SLC1A2: variants seen among roughly 807,000 people sequenced by gnomAD.
SLC1A2 encodes excitatory amino acid transporter 2.
SLC1A2 carries 15 observed loss-of-function variants against 48.8 expected under a neutral mutation model. That is an observed-to-expected ratio of 0.31 (90% confidence interval 0.21 to 0.47). The LOEUF (loss-of-function observed/expected upper bound fraction) is 0.47, where lower values mean the gene tolerates loss of function less well. Among genes scored for constraint, SLC1A2 ranks in the 20% least tolerant of loss-of-function variants. The probability of loss-of-function intolerance (pLI) is 0.99; values close to 1 mark genes in which losing one functional copy is unlikely to be tolerated. For missense variants in SLC1A2, 502 were observed against 730.5 expected, an observed-to-expected ratio of 0.69 and a Z score of 3.61; for synonymous variants, 279 against 272.6, an observed-to-expected ratio of 1.02 and a Z score of -0.23.
intron 9 of SLC1A2, 73 bp downstream of exon 9, chr11:35,280,794 C>T: frequency 1.8e-6 from 2 of 1,081,502 alleles, no homozygotes; most frequent in Non-Finnish European, 2.6e-6. Flanking sequence ...ATCTTGGTTG[C>T]AACCTTGCCA....
chr11:35,340,681 C>A (rs916163628), intron 1 of SLC1A2, among the ~76,000 whole-genome samples: 7 of 152,168 alleles, frequency 4.6e-5, no homozygotes, highest in Non-Finnish European at 8.8e-5. Flanking sequence ...AAGAAGCAAT[C>A]AGTATTGGCC....
At chr11:35,369,444 C>T (rs1853981535) in intron 1 of SLC1A2, among the ~76,000 whole-genome samples, 1 of 152,188 alleles carries the variant, frequency 6.6e-6, no homozygotes, top group Non-Finnish European at 1.5e-5. Flanking sequence ...GGCTCTCTCC[C>T]ACTCCCCAGC....
chr11:35,312,697 C>A (rs1342274647), intron 3 of SLC1A2, among the ~76,000 whole-genome samples: 1 of 152,236 alleles, frequency 6.6e-6, no homozygotes, highest in Non-Finnish European at 1.5e-5. Context: ...TATGCACATC[C>A]TCCTGTCTAC....
chr11:35,397,055 C>T (rs542509150), intron 1 of SLC1A2, among the ~76,000 whole-genome samples: 61 of 148,798 alleles, frequency 4.1e-4, no homozygotes, highest in African/African-American at 1.5e-3. Context: ...AAGAACATTC[C>T]ATGCTCATGG....
chr11:35,303,601 G>A (rs1851417685), intron 5 of SLC1A2, among the ~76,000 whole-genome samples: 1 of 152,132 alleles, frequency 6.6e-6, no homozygotes, highest in African/African-American at 2.4e-5. Context: ...ATATTACTTG[G>A]TTAATTTCAT....
intron 1 of SLC1A2, among the ~76,000 whole-genome samples, chr11:35,369,769 G>A (rs775944552): frequency 5.3e-5 from 8 of 152,180 alleles, no homozygotes; most frequent in South Asian, 2.1e-4. Context: ...GATCATCATC[G>A]TCAGCCCAGA....
chr11:35,313,116 T>G (rs1172816142), intron 3 of SLC1A2, among the ~76,000 whole-genome samples: 1 of 152,256 alleles, frequency 6.6e-6, no homozygotes, highest in East Asian at 1.9e-4. Flanking sequence ...CTTTGTTTTA[T>G]GAAGCGATGC....
chr11:35,265,951 C>T (rs200576123), intron 9 of SLC1A2, among the ~76,000 whole-genome samples, 193 bp from the exon 10 acceptor site: 1 of 152,206 alleles, frequency 6.6e-6, no homozygotes, highest in East Asian at 1.9e-4. Flanking sequence ...GATGCTTATA[C>T]TTCTCTCATA....
At chr11:35,354,407 G>A (rs145915272) in intron 1 of SLC1A2, among the ~76,000 whole-genome samples, 1 of 152,178 alleles carries the variant, frequency 6.6e-6, no homozygotes, top group East Asian at 1.9e-4. Flanking sequence ...GCTGCAGTGG[G>A]CTACGATTAC....
chr11:35,317,421 C>T lies in SLC1A2; in HGVS notation c.113G>A (p.Cys38Tyr). The T allele has an allele frequency of 6.2e-7, 1 of 1,614,184 alleles. No homozygotes were observed. ...CAGCAGATTCTTCCCCAGCTTGTCA[C>T]ACAGGCGCAGGCCCAGGTGCCGGTG... ...PKHRHLGLRL[C>Y]DKLGKNLLLT... Residue 38 changes from cysteine to tyrosine, a missense_variant, in exon 2 of 11, where the codon TGT becomes TAT. Physicochemically the swap from Cys to Tyr is radical, Grantham distance 194 (BLOSUM62 -2). This residue lies in a region of SLC1A2 where 89 missense variants were observed against 119.7 expected (regional missense o/e 0.74). Transcript: ENST00000278379.
At chr11:35,411,053 T>C (rs552608556) in intron 1 of SLC1A2, among the ~76,000 whole-genome samples, 4 of 152,310 alleles carry the variant, frequency 2.6e-5, no homozygotes, top group South Asian at 2.1e-4. Context: ...ATGTTAGCAA[T>C]TAATTATGAC....
chr11:35,279,937 C>G (rs1850570329), intron 9 of SLC1A2, among the ~76,000 whole-genome samples: 1 of 152,192 alleles, frequency 6.6e-6, no homozygotes, highest in Non-Finnish European at 1.5e-5. Context: ...TATCACTATG[C>G]TTTTATGTGT....
chr11:35,403,338 T>G (rs1317387941), intron 1 of SLC1A2, among the ~76,000 whole-genome samples: 1 of 152,240 alleles, frequency 6.6e-6, no homozygotes, highest in African/African-American at 2.4e-5. Context: ...TTAACTGCTG[T>G]GCAACACTGG....
intron 1 of SLC1A2, among the ~76,000 whole-genome samples, chr11:35,399,126 C>T (rs775800967): frequency 6.6e-6 from 1 of 152,176 alleles, no homozygotes; most frequent in Non-Finnish European, 1.5e-5. Flanking sequence ...TCTGTTCCTA[C>T]CAGTCTGGAA....
Position 35,418,972 on chromosome 11 carries a change from G to A in SLC1A2, c.-6C>T. 1 of 1,566,884 alleles carries A rather than the reference G, an allele frequency of 6.4e-7. No homozygotes were observed. The highest frequency in any genetic ancestry group is 1.2e-5 in the South Asian group (1 of 85,168). ...CACCCTTCCGTAGATGCCATGGTCT[G>A]GGGAACGCCCCCTCCTCTTCAGCAC... On this transcript the variant is annotated 5_prime_UTR_variant, in exon 1 of 11. Transcript: ENST00000278379.
At chr11:35,303,290 T>C (rs1851406427) in intron 5 of SLC1A2, among the ~76,000 whole-genome samples, 1 of 152,218 alleles carries the variant, frequency 6.6e-6, no homozygotes, top group Non-Finnish European at 1.5e-5. Context: ...CTGGATCCTT[T>C]CTATCTTCAG....
rs1950279248 is a variant in SLC1A2 at position 35,254,037 on chromosome 11, A to G, written c.*6857T>C. The G allele has an allele frequency of 3.3e-5, 5 of 152,488 alleles. No homozygotes were observed. Among genetic ancestry groups the G allele is most frequent in the Admixed American group, 3.3e-4 (5 of 15,284 alleles). 9.4% of individuals were successfully genotyped at this position (152,488 alleles called of 1,614,324 possible). A position where few individuals can be genotyped will look rare whatever the true frequency, so the allele number is the denominator to read the frequency against. On this transcript the variant is annotated 3_prime_UTR_variant, in exon 11 of 11. Coordinates refer to ENST00000278379, the MANE Select transcript of SLC1A2 (RefSeq NM_004171.4). Reference sequence around the variant, plus strand: ...AAAAAATGTAAGACTGGGCTGGAGGAATTTGTGGATTTAGGGTGCAATACT... The same window carrying G: ...AAAAAATGTAAGACTGGGCTGGAGGGATTTGTGGATTTAGGGTGCAATACT...
chr11:35,355,201 T>C (rs1033600730), intron 1 of SLC1A2, among the ~76,000 whole-genome samples: 2 of 152,144 alleles, frequency 1.3e-5, no homozygotes, highest in African/African-American at 4.8e-5. Context: ...TCTACCTTGT[T>C]GGTAGAGAGA....
rs1222655554 is a variant in SLC1A2, at chr11:35,254,690, G to A, written c.*6204C>T. 1 of 438,530 alleles carries A rather than the reference G, an allele frequency of 2.3e-6. No individual in the cohort carries two copies. Among genetic ancestry groups the A allele is most frequent in the African/African-American group, 2.0e-5 (1 of 49,122 alleles). 27.2% of individuals were successfully genotyped at this position (438,530 alleles called of 1,614,324 possible). ...AGGTTTCAACACTCACCCAAGGATT[G>A]GGGGTGTCTCCAGAGAAACTGAGGA... On this transcript the variant is annotated 3_prime_UTR_variant, in exon 11 of 11. Transcript: ENST00000278379.
Sources: gnomAD v4.1 joint callset for allele counts (sites outside exome capture counted in the v4.1 genomes callset) on GRCh38, gnomAD v4.1.1 for gene constraint, gnomAD v4.1.1 regional missense constraint, MANE v1.5 for transcripts, NCBI Gene and HGNC (gene_info 2026-07-23, HGNC 2026-07-21) for gene names.